MGAT4C: variants seen among roughly 807,000 people sequenced by gnomAD.
MGAT4C encodes the protein MGAT4 family member C.
Under a neutral mutation model 40.1 loss-of-function variants are expected in MGAT4C, and 19 were observed. The observed-to-expected ratio is 0.47, with a 90% CI of 0.33 to 0.70. The LOEUF is 0.70. Among genes scored for constraint, MGAT4C ranks in the 30% least tolerant of loss-of-function variants. MGAT4C has a pLI of 0.02. For missense variants in MGAT4C, 491 were observed against 563.2 expected (o/e 0.87, Z 1.30); for synonymous variants, 181 against 187.1 (o/e 0.97, Z 0.27).
intron 2 of MGAT4C, among the ~76,000 whole-genome samples, chr12:86,636,280 GT>G (rs1324349323): frequency 2.6e-5 from 4 of 152,032 alleles, no homozygotes; most frequent in Non-Finnish European, 4.4e-5. Flanking sequence ...TTTTTGTAGA[GT>G]CACCTTATTA....
intron 4 of MGAT4C, among the ~76,000 whole-genome samples, chr12:86,331,155 G>T (rs1374842091): frequency 6.6e-6 from 1 of 152,148 alleles, no homozygotes; most frequent in Non-Finnish European, 1.5e-5. Context: ...ACTTGGAAGA[G>T]GGCCAAGCAG....
rs920795521 is a variant in MGAT4C at position 85,975,472 on chromosome 12, G to A, written c.*3817C>T. The A allele has an allele frequency of 9.9e-5, 15 of 150,928 alleles. No homozygotes were observed. The highest frequency in any genetic ancestry group is 2.9e-4 in the African/African-American group (12 of 41,328). 9.3% of individuals were successfully genotyped at this position (150,928 alleles called of 1,614,324 possible). ...GGTAAAATTATTCCTATTCACAGAT[G>A]TAGAAACTGAGTTTCAAGAAGGTTA... is the stretch of plus-strand genomic sequence containing the variant. On this transcript the variant is annotated 3_prime_UTR_variant, in exon 5 of 5. Coordinates refer to ENST00000611864, the MANE Select transcript of MGAT4C (RefSeq NM_001351288.2).
intron 1 of MGAT4C, among the ~76,000 whole-genome samples, chr12:86,814,329 C>CGT (rs1491209108): frequency 5.5e-3 from 5 of 916 alleles, no homozygotes; most frequent in East Asian, 0.12. Flanking sequence ...TATACATATA[C>CGT]GTATATATAT....
At chr12:86,759,349 G>A (rs1254590689) in intron 1 of MGAT4C, among the ~76,000 whole-genome samples, 1 of 152,066 alleles carries the variant, frequency 6.6e-6, no homozygotes, top group East Asian at 1.9e-4. Context: ...ACAAAGACAG[G>A]AGTGCAGCCA....
chr12:86,659,929 TA>T (rs368852172), intron 2 of MGAT4C, among the ~76,000 whole-genome samples: 665 of 137,734 alleles, frequency 4.8e-3, no homozygotes, highest in East Asian at 4.8e-3. Flanking sequence ...GCAGGGTGAT[TA>T]AAAAAAAAAA....
upstream of MGAT4C, among the ~76,000 whole-genome samples, chr12:86,257,364 A>G (rs1952550919): frequency 6.6e-6 from 1 of 152,208 alleles, no homozygotes; most frequent in Non-Finnish European, 1.5e-5. Flanking sequence ...CAACCGCATA[A>G]CTGTGAGATG....
intron 2 of MGAT4C, among the ~76,000 whole-genome samples, chr12:86,486,893 G>T (rs1427716179): frequency 2.0e-5 from 3 of 152,162 alleles, no homozygotes; most frequent in African/African-American, 7.2e-5. Context: ...TTTGCCTAGA[G>T]ATCTGGATTC....
chr12:86,774,343 C>CTTTCTTTCTTT (rs1565981678), intron 1 of MGAT4C, among the ~76,000 whole-genome samples: 1 of 54,502 alleles, frequency 1.8e-5, no homozygotes, highest in African/African-American at 5.4e-5. Flanking sequence ...TTCTTTCTGT[C>CTTTCTTTCTTT]TCTCTCTCTC....
intron 2 of MGAT4C, among the ~76,000 whole-genome samples, chr12:86,683,723 C>A (rs1950023148): frequency 6.6e-6 from 1 of 152,288 alleles, no homozygotes; most frequent in Admixed American, 6.5e-5. Flanking sequence ...TTGAGAATTT[C>A]TCCCCACGTT....
intron 2 of MGAT4C, among the ~76,000 whole-genome samples, chr12:86,633,568 A>G (rs1316107446): frequency 6.6e-6 from 1 of 152,128 alleles, no homozygotes; most frequent in African/African-American, 2.4e-5. Context: ...AAAAAATGCC[A>G]GTAATCTCAA....
At chr12:86,105,221 G>A (rs750560167) in intron 1 of MGAT4C, among the ~76,000 whole-genome samples, 8 of 151,972 alleles carry the variant, frequency 5.3e-5, no homozygotes, top group African/African-American at 1.7e-4. Context: ...GAAATTTAGG[G>A]AATCTATTTT....
At chr12:86,072,633 G>C (rs1868788760) in intron 1 of MGAT4C, among the ~76,000 whole-genome samples, 1 of 152,114 alleles carries the variant, frequency 6.6e-6, no homozygotes, top group South Asian at 2.1e-4. Flanking sequence ...TGGATAGATG[G>C]ATTGATTAGA....
At chr12:86,470,277 T>C (rs1176976735) in intron 2 of MGAT4C, among the ~76,000 whole-genome samples, 1 of 152,204 alleles carries the variant, frequency 6.6e-6, no homozygotes. Flanking sequence ...GATACTTATG[T>C]ACAGCTAAGT....
At chr12:86,687,851 G>C (rs372157239) in intron 2 of MGAT4C, among the ~76,000 whole-genome samples, 3 of 152,138 alleles carry the variant, frequency 2.0e-5, no homozygotes, top group African/African-American at 7.2e-5. Flanking sequence ...TATTAGGTCT[G>C]TTTGGTCCAG....
At position 86,674,743 on chromosome 12, in the gene MGAT4C, T is replaced by C. The variant is rs181228608; in HGVS notation, c.-229+52466A>G. On this transcript the variant is annotated intron_variant, in intron 2 of 7. Coordinates refer to the MGAT4C transcript ENST00000548651. ...ATTTTAAAGCTAAATATAATTCTGG[T>C]CTAATCATCCAATGCAAGTAGTACA... 2.0e-5 allele frequency among the ~76,000 whole-genome samples: 3 copies of C among 152,226 alleles called. No individual in the cohort carries two copies. The East Asian group carries it at 5.8e-4, about 29-fold the overall frequency.
At chr12:86,383,164 G>A (rs928312641) in intron 3 of MGAT4C, among the ~76,000 whole-genome samples, 1 of 152,208 alleles carries the variant, frequency 6.6e-6, no homozygotes, top group Non-Finnish European at 1.5e-5. Flanking sequence ...CATAGAGGTA[G>A]AGCTGCCCAA....
intron 1 of MGAT4C, among the ~76,000 whole-genome samples, chr12:86,125,356 G>C (rs898005079): frequency 2.0e-5 from 3 of 152,110 alleles, no homozygotes; most frequent in African/African-American, 7.2e-5. Flanking sequence ...GGGAAAAAAG[G>C]TATAGCAAAA....
At chr12:86,356,296 T>C (rs1434728061) in intron 3 of MGAT4C, among the ~76,000 whole-genome samples, 1 of 152,026 alleles carries the variant, frequency 6.6e-6, no homozygotes, top group Non-Finnish European at 1.5e-5. Flanking sequence ...AAACAGTAAA[T>C]TTAATCTAAC....
intron 3 of MGAT4C, among the ~76,000 whole-genome samples, chr12:86,401,666 C>T (rs1956365565): frequency 6.6e-6 from 1 of 152,092 alleles, no homozygotes; most frequent in Non-Finnish European, 1.5e-5. Flanking sequence ...AAGAAGTCTT[C>T]ACTTCACGTC....
Sources: gnomAD v4.1 joint callset for allele counts (sites outside exome capture counted in the v4.1 genomes callset) on GRCh38, gnomAD v4.1.1 for gene constraint, MANE v1.5 for transcripts, NCBI Gene and HGNC (gene_info 2026-07-23, HGNC 2026-07-21) for gene names.